Variants in GREB1 observed in about 807,000 individuals in gnomAD.
The protein encoded by GREB1 is growth regulating estrogen receptor binding 1, also known as protein GREB1.
A neutral mutation model predicts 200.7 loss-of-function variants in GREB1; 106 were observed. The observed-to-expected ratio is 0.53, with a 90% CI of 0.45 to 0.62. GREB1 has a LOEUF of 0.62. Among genes scored for constraint, GREB1 ranks in the 20% least tolerant of loss-of-function variants. The probability of loss-of-function intolerance (pLI) is 0.00; values close to 1 mark genes in which losing one functional copy is unlikely to be tolerated. For missense variants in GREB1, 2,243 were observed against 2,556.8 expected (o/e 0.88, Z 2.65); for synonymous variants, 1,132 against 1,092.4 (o/e 1.04, Z -0.72).
Position 11,625,044 on chromosome 2 carries a change from C to T in GREB1, c.4148-110C>T, listed in dbSNP as rs1056844040. On this transcript the variant is annotated intron_variant, in intron 23 of 32. Transcript: ENST00000381486. ...TAGGATGTTAGCACAGTGACAGAAT[C>T]GCCTGATGTCGCATTTCTCAGAACG... 4.8e-5 allele frequency: 40 copies of T among 840,916 alleles called. No homozygotes were observed. In the African/African-American group the frequency reaches 5.0e-4, roughly 10 times the overall value. The allele number at this position is 840,916 out of a possible 1,614,324, so 52.1% of individuals were successfully genotyped here.
intron 1 of GREB1, among the ~76,000 whole-genome samples, chr2:11,489,900 G>C (rs1370136681): frequency 1.3e-5 from 2 of 151,170 alleles, no homozygotes; most frequent in Admixed American, 6.6e-5. Context: ...CTGAATGTCA[G>C]AACCGTATTA....
intron 2 of GREB1, chr2:11,561,071 G>C (rs1419586043): frequency 6.6e-6 from 1 of 152,244 alleles, no homozygotes; most frequent in Non-Finnish European, 1.5e-5. Flanking sequence ...TCATTTCCCT[G>C]TAGTGACAGA....
At chr2:11,538,665 CTTTCTTTCTTTCTTTCTTTCT>C (rs1674430988) in intron 1 of GREB1, among the ~76,000 whole-genome samples, 12 of 88,226 alleles carry the variant, frequency 1.4e-4, no homozygotes, top group African/African-American at 5.5e-4. Context: ...TTCTTTCTTT[CTTTCTTTCTTTCTTTCTTTCT>C]TTCCTTCCTC....
At chr2:11,637,369 A>G (rs977516869) in intron 30 of GREB1, among the ~76,000 whole-genome samples, 16 of 151,954 alleles carry the variant, frequency 1.1e-4, no homozygotes, top group African/African-American at 3.9e-4. Context: ...CGGGATGGGG[A>G]CAGGACCTTT....
chr2:11,618,012 C>T (rs2148348270), intron 21 of GREB1, among the ~76,000 whole-genome samples: 2 of 152,182 alleles, frequency 1.3e-5, no homozygotes, highest in African/African-American at 2.4e-5. Flanking sequence ...GGAGCTCAGT[C>T]AGAAAAGCTG....
In GREB1 at chr2:11,642,705, A is replaced by G. The variant is rs1685881564; in HGVS notation, c.*2251A>G. On this transcript the variant is annotated 3_prime_UTR_variant, in exon 33 of 33. Transcript: ENST00000381486. ...GCTTTTGTGTCATTCTCCCCACTTT[A>G]TTAGTTAATTTAAATTGGAAAAAAC... 6 of 152,120 alleles carry G rather than the reference A, an allele frequency of 3.9e-5. No homozygotes were observed. The highest frequency in any genetic ancestry group is 3.3e-4 in the Admixed American group (5 of 15,270). 9.4% of individuals were successfully genotyped at this position (152,120 alleles called of 1,614,324 possible). A position where few individuals can be genotyped will look rare whatever the true frequency, so the allele number is the denominator to read the frequency against.
intron 1 of GREB1, among the ~76,000 whole-genome samples, chr2:11,534,917 T>C (rs1166401373): frequency 6.6e-6 from 1 of 152,180 alleles, no homozygotes. Flanking sequence ...GGCGCTGGTG[T>C]CTGGCAGGTG....
chr2:11,522,374 G>A (rs1673731982), intron 1 of GREB1, among the ~76,000 whole-genome samples: 1 of 152,142 alleles, frequency 6.6e-6, no homozygotes, highest in Admixed American at 6.5e-5. Context: ...GCATAAATGG[G>A]TTAAAGTAGA....
Position 11,633,032 on chromosome 2 carries a change from G to A in GREB1, c.4960G>A (p.Val1654Met), listed in dbSNP as rs371617426. 1.4e-5 allele frequency: 23 copies of A among 1,614,090 alleles called. No homozygotes were observed. In the African/African-American group the frequency reaches 2.8e-4, roughly 20 times the overall value. The change falls in exon 28 of 33, where the codon GTG becomes ATG. Residue 1654 changes from valine to methionine, a missense_variant. Val to Met is a conservative substitution (Grantham distance 21). Around this residue, in one of 3 missense-constraint regions of GREB1, gnomAD observed 478 missense variants for 616.3 expected, o/e 0.78. Coordinates refer to ENST00000381486, the MANE Select transcript of GREB1 (RefSeq NM_014668.4). The surrounding 1 kb of genome is among the most constrained non-coding windows in gnomAD (Gnocchi z 4.1). The stretch of plus-strand genomic sequence containing the variant: ...TGACTCCTGCGTGATGTGGAACGTG[G>A]TGGATGTCAACTCTGCTGGGGAGAG... ...SDDSCVMWNV[V>M]DVNSAGERSR...
At chr2:11,592,038 C>A in intron 10 of GREB1, 1 of 979,218 alleles carries the variant, frequency 1.0e-6, no homozygotes, top group Non-Finnish European at 1.2e-6. Context: ...TATTCCCAGG[C>A]TGAATGTTCT....
intron 1 of GREB1, among the ~76,000 whole-genome samples, chr2:11,484,595 A>T (rs1224716877): frequency 6.6e-6 from 1 of 150,724 alleles, no homozygotes; most frequent in Non-Finnish European, 1.5e-5. Context: ...TAAAAAACAA[A>T]AAAAAAAAAA....
At chr2:11,528,127 T>C (rs551694871) in intron 1 of GREB1, among the ~76,000 whole-genome samples, 4 of 152,336 alleles carry the variant, frequency 2.6e-5, no homozygotes, top group East Asian at 3.9e-4. Context: ...TTCCTGGTCC[T>C]AGCTGTTCAC....
At position 11,596,292 on chromosome 2, in the gene GREB1, A is replaced by G. The variant is rs1337964760; in HGVS notation, c.1954+53A>G. 5.3e-6 allele frequency: 8 copies of G among 1,506,626 alleles called. No individual in the cohort carries two copies. The African/African-American group carries it at 1.1e-4, about 22-fold the overall frequency. The allele number at this position is 1,506,626 out of a possible 1,614,324, so 93.3% of individuals were successfully genotyped here. A position where few individuals can be genotyped will look rare whatever the true frequency, so the allele number is the denominator to read the frequency against. On this transcript the variant is annotated intron_variant, in intron 13 of 32. Coordinates refer to ENST00000381486, the MANE Select transcript of GREB1 (RefSeq NM_014668.4). ...GTGGAGAGGGTACAAAGTAGTGATG[A>G]GGGGCAGGGTCAGTGGGCGCAGGTG...
chr2:11,527,882 G>T (rs1673942046), intron 1 of GREB1, among the ~76,000 whole-genome samples: 1 of 152,198 alleles, frequency 6.6e-6, no homozygotes, highest in Admixed American at 6.5e-5. Context: ...CACATTTGTT[G>T]TTCTGCTGAT....
At chr2:11,582,252 T>C (rs932431746) in intron 7 of GREB1, among the ~76,000 whole-genome samples, 45 of 152,246 alleles carry the variant, frequency 3.0e-4, no homozygotes, top group African/African-American at 1.1e-3. Flanking sequence ...GGAAGCCTTC[T>C]GTGTGGGACT....
chr2:11,589,482 C>T (rs562258185), intron 10 of GREB1, among the ~76,000 whole-genome samples: 131 of 152,160 alleles, frequency 8.6e-4, no homozygotes, highest in African/African-American at 3.1e-3. Context: ...GAGAGGCCAG[C>T]GTAGCTGTAG....
chr2:11,540,988 T>C (rs1189841932), intron 1 of GREB1, among the ~76,000 whole-genome samples: 1 of 152,232 alleles, frequency 6.6e-6, no homozygotes, highest in African/African-American at 2.4e-5. Flanking sequence ...ACCATGCTTC[T>C]GTGTTGGCTG....
At position 11,580,967 on chromosome 2, in the gene GREB1, G is replaced by A. The variant is rs1488477759; in HGVS notation, c.901+135G>A. On this transcript the variant is annotated intron_variant, in intron 7 of 32. Transcript: ENST00000381486. This position sits in a 1 kb window ranked among gnomAD's most constrained non-coding sequence, Gnocchi z 4.5. ...TGTGGCTTCCATGAGAGTCAGGCCA[G>A]GACCACAGGTGCCTCCTGAGTCCGT... The A allele has an allele frequency of 1.8e-6, 2 of 1,105,998 alleles. No individual in the cohort carries two copies. 68.5% of individuals were successfully genotyped at this position (1,105,998 alleles called of 1,614,324 possible).
chr2:11,501,805 T>G (rs1215513025), intron 1 of GREB1, among the ~76,000 whole-genome samples: 1 of 151,982 alleles, frequency 6.6e-6, no homozygotes, highest in Non-Finnish European at 1.5e-5. Context: ...TTGCTATGTT[T>G]TGTTAATTTT....
Sources: gnomAD v4.1 joint callset for allele counts (sites outside exome capture counted in the v4.1 genomes callset) on GRCh38, gnomAD v4.1.1 for gene constraint, gnomAD v4.1.1 regional missense constraint, Gnocchi (gnomAD v3.1) non-coding constraint, MANE v1.5 for transcripts, NCBI Gene and HGNC (gene_info 2026-07-23, HGNC 2026-07-21) for gene names.